The following SEMA5B variants were observed in gnomAD, a reference collection of about 807,000 sequenced individuals.
The protein encoded by SEMA5B is semaphorin-5B.
A neutral mutation model predicts 135.0 loss-of-function variants in SEMA5B; 66 were observed. The ratio of observed to expected loss-of-function variants is 0.49; its 90% CI spans 0.40 to 0.60. SEMA5B has a LOEUF of 0.60. Ranked by LOEUF, SEMA5B falls within the 20% of genes least tolerant of loss-of-function variation. SEMA5B has a pLI of 0.00. For synonymous variants in SEMA5B, 690 were observed against 639.5 expected (o/e 1.08, Z -1.19); for missense variants, 1,501 against 1,566.3 (o/e 0.96, Z 0.70).
intron 1 of SEMA5B, among the ~76,000 whole-genome samples, chr3:122,998,363 C>T (rs557501425): frequency 6.6e-6 from 1 of 152,108 alleles, no homozygotes; most frequent in East Asian, 1.9e-4. Context: ...AGAACCTTGC[C>T]GAATCCTGAT....
intron 1 of SEMA5B, among the ~76,000 whole-genome samples, chr3:122,976,518 T>G (rs758122142): frequency 5.9e-5 from 9 of 152,216 alleles, no homozygotes; most frequent in African/African-American, 2.2e-4. Context: ...GGCCTGTGCA[T>G]CCATGTTTTT....
At chr3:122,998,756 A>G (rs761522699) in intron 1 of SEMA5B, among the ~76,000 whole-genome samples, 2 of 152,122 alleles carry the variant, frequency 1.3e-5, no homozygotes, top group Admixed American at 6.5e-5. Context: ...GGCTCCACTC[A>G]GTGAAAAGAT....
chr3:122,976,473 C>T (rs1941324136), intron 1 of SEMA5B, among the ~76,000 whole-genome samples: 1 of 152,188 alleles, frequency 6.6e-6, no homozygotes, highest in South Asian at 2.1e-4. Flanking sequence ...TTGGGCCTCA[C>T]CTGCAGAGAT....
rs563155704 is a variant in SEMA5B at position 122,974,516 on chromosome 3, G to A, written c.-38-13215C>T. Reference sequence around the variant, plus strand: ...TACAAGGCAGCTGACTGGTCCTTCTGGGTTTGGGTATATGGGTTGGGGAGA... The same window carrying A: ...TACAAGGCAGCTGACTGGTCCTTCTAGGTTTGGGTATATGGGTTGGGGAGA... On this transcript the variant is annotated intron_variant, in intron 1 of 22. Transcript: ENST00000357599. Among the ~76,000 whole-genome samples the A allele has an allele frequency of 2.0e-5, 3 of 152,372 alleles. No homozygotes were observed. The South Asian group carries it at 6.2e-4, about 32-fold the overall frequency.
Position 122,939,420 on chromosome 3 carries a change from C to G in SEMA5B, c.474+5G>C. 1 of 1,607,674 alleles carries G rather than the reference C, an allele frequency of 6.2e-7. No individual in the cohort carries two copies. The highest frequency in any genetic ancestry group is 1.1e-5 in the South Asian group (1 of 90,962). On this transcript the variant is annotated splice_donor_5th_base_variant and intron_variant, in intron 5 of 22. Transcript: ENST00000357599. Reference sequence around the variant, plus strand: ...TAGGAAGGGAAGGGAAGAAAGCAATCGTACCTGAAGAAGAGAGACATTGGC... The same window carrying G: ...TAGGAAGGGAAGGGAAGAAAGCAATGGTACCTGAAGAAGAGAGACATTGGC...
At chr3:122,983,716 C>CAAAAAAAAA (rs57975297) in intron 1 of SEMA5B, among the ~76,000 whole-genome samples, 1 of 53,424 alleles carries the variant, frequency 1.9e-5, no homozygotes, top group African/African-American at 6.2e-5. Flanking sequence ...AGACTCGTCT[C>CAAAAAAAAA]AAAAAAAAAA....
intron 12 of SEMA5B, among the ~76,000 whole-genome samples, chr3:122,918,645 G>T (rs1045361804): frequency 5.9e-5 from 9 of 152,170 alleles, no homozygotes; most frequent in Non-Finnish European, 1.0e-4. Flanking sequence ...AGCTTCCCCT[G>T]CCCTCAATTA....
upstream of SEMA5B, chr3:123,027,962 T>G (rs972766477): frequency 7.2e-5 from 11 of 152,172 alleles, no homozygotes; most frequent in African/African-American, 2.7e-4. Context: ...CTCGGCCGAC[T>G]CCCGCCCCGG....
intron 9 of SEMA5B, 80 bp from the exon 10 acceptor site, chr3:122,923,832 A>G (rs375395311): frequency 1.2e-5 from 19 of 1,520,114 alleles, no homozygotes; most frequent in African/African-American, 2.7e-5. Context: ...GCCAGCTGTC[A>G]TGTCCAATTC....
chr3:123,009,788 G>T (rs895810190), intron 1 of SEMA5B, among the ~76,000 whole-genome samples: 2 of 152,190 alleles, frequency 1.3e-5, no homozygotes, highest in Admixed American at 6.5e-5. Context: ...TATAGGAGGG[G>T]AAAACTGGGA....
At chr3:122,935,291 T>C (rs1485051503) in intron 5 of SEMA5B, among the ~76,000 whole-genome samples, 1 of 151,976 alleles carries the variant, frequency 6.6e-6, no homozygotes, top group East Asian at 1.9e-4. Context: ...AAGACTCCCT[T>C]AGTCTCCTGC....
chr3:123,011,057 T>C (rs1287110748), intron 1 of SEMA5B, among the ~76,000 whole-genome samples: 3 of 152,138 alleles, frequency 2.0e-5, no homozygotes, highest in African/African-American at 7.2e-5. Context: ...AGGCCATTCT[T>C]GAGCACACAG....
intron 1 of SEMA5B, among the ~76,000 whole-genome samples, chr3:122,994,198 C>A (rs115154232): frequency 0.04 from 6,093 of 151,986 alleles, 157 homozygotes; most frequent in Middle Eastern, 0.078. Context: ...CTCCAGGCTG[C>A]CTGCACAATT....
chr3:122,949,096 A>C (rs1939934012), intron 2 of SEMA5B, among the ~76,000 whole-genome samples: 1 of 152,240 alleles, frequency 6.6e-6, no homozygotes, highest in Non-Finnish European at 1.5e-5. Flanking sequence ...AAAAATTCAA[A>C]TAGACAAAAG....
chr3:122,922,512 C>T, intron 10 of SEMA5B, 65 bp from the exon 11 acceptor site: 1 of 1,472,744 alleles, frequency 6.8e-7, no homozygotes, highest in Non-Finnish European at 9.1e-7. Context: ...CCCGCCGGCT[C>T]CCTCCTCCTG....
intron 1 of SEMA5B, among the ~76,000 whole-genome samples, chr3:122,976,525 T>G (rs1216037720): frequency 6.6e-6 from 1 of 151,854 alleles, no homozygotes; most frequent in Admixed American, 6.6e-5. Flanking sequence ...GCATCCATGT[T>G]TTTTTGTCTC....
chr3:122,951,893 A>G (rs1940062690), intron 2 of SEMA5B, among the ~76,000 whole-genome samples: 1 of 152,178 alleles, frequency 6.6e-6, no homozygotes, highest in Admixed American at 6.5e-5. Context: ...GGAAAATTAC[A>G]GTAGGATTAC....
At chr3:123,005,961 G>A (rs1942299194) in intron 1 of SEMA5B, among the ~76,000 whole-genome samples, 1 of 152,208 alleles carries the variant, frequency 6.6e-6, no homozygotes, top group Admixed American at 6.5e-5. Context: ...CACCACCTGT[G>A]TGACTTTGGA....
At chr3:122,939,396 AGGAAG>A in intron 5 of SEMA5B, 24 bp downstream of exon 5, 2 of 1,575,966 alleles carry the variant, frequency 1.3e-6, no homozygotes, top group Non-Finnish European at 1.7e-6. Context: ...GGGAAATTAT[AGGAAG>A]GGAAGGGAAG....
Sources: allele counts gnomAD v4.1 joint callset (sites outside exome capture counted in the v4.1 genomes callset), GRCh38; gene constraint gnomAD v4.1.1; transcripts MANE v1.5; gene names NCBI Gene and HGNC (gene_info 2026-07-23, HGNC 2026-07-21).